The following AHRR variants were observed in gnomAD, a reference collection of about 807,000 sequenced individuals.
AHRR encodes ahR repressor.
AHRR carries 28 observed loss-of-function variants against 44.0 expected under a neutral mutation model. The observed-to-expected ratio is 0.64, with a 90% CI of 0.47 to 0.87. The LOEUF (loss-of-function observed/expected upper bound fraction) is 0.87, where lower values mean the gene tolerates loss of function less well. Ranked by LOEUF, AHRR falls within the 40% of genes least tolerant of loss-of-function variation. The pLI, the probability that AHRR is intolerant of heterozygous loss-of-function variation, is 0.00. For synonymous variants in AHRR, 434 were observed against 407.0 expected (o/e 1.07, Z -0.80); for missense variants, 990 against 953.9 (o/e 1.04, Z -0.50).
chr5:325,460 C>T (rs1023872452), intron 1 of AHRR, among the ~76,000 whole-genome samples: 8 of 152,208 alleles, frequency 5.3e-5, no homozygotes, highest in African/African-American at 1.7e-4. Flanking sequence ...GTCGAAAGGC[C>T]TTGCAGTTCT....
rs142145678 is a variant in AHRR, at chr5:431,213, G to C, written c.909-1250G>C. Among the ~76,000 whole-genome samples, 703 of 152,176 alleles carry C rather than the reference G, an allele frequency of 4.6e-3. 4 individuals carry two copies. The highest frequency in any genetic ancestry group is 0.016 in the African/African-American group (669 of 41,438). ...GCCCTGGGGTGGAGCGTAGGTGTGGGATCACAAGCTCAGGTGTGGGGCCGA... is the reference window on the plus strand; with the variant it reads ...GCCCTGGGGTGGAGCGTAGGTGTGGCATCACAAGCTCAGGTGTGGGGCCGA... On this transcript the variant is annotated intron_variant, in intron 8 of 10. Transcript: ENST00000684583.
At chr5:345,397 GGAT>G (rs1390599572) in intron 2 of AHRR, among the ~76,000 whole-genome samples, 3 of 100,444 alleles carry the variant, frequency 3.0e-5, no homozygotes, top group Non-Finnish European at 3.5e-5. Flanking sequence ...TGTGTGTGTC[GGAT>G]GATGTCCCTG....
intron 3 of AHRR, among the ~76,000 whole-genome samples, chr5:360,176 G>T (rs1263838327): frequency 6.6e-6 from 1 of 152,130 alleles, no homozygotes; most frequent in Non-Finnish European, 1.5e-5. Flanking sequence ...TTAAAAAGGA[G>T]ACCCAAAAGA....
intron 4 of AHRR, among the ~76,000 whole-genome samples, chr5:391,387 G>T (rs186990116): frequency 0.037 from 3,454 of 94,488 alleles, 24 homozygotes; most frequent in East Asian, 0.065. Context: ...CGCAGGGCGA[G>T]GAGGGCGCAG....
At chr5:416,215 T>A (rs1420785718) in intron 5 of AHRR, among the ~76,000 whole-genome samples, 2 of 152,180 alleles carry the variant, frequency 1.3e-5, no homozygotes, top group East Asian at 3.9e-4. Flanking sequence ...CCAAGGGGTG[T>A]CCAGGCCACT....
At chr5:367,965 A>G (rs1392140406) in intron 3 of AHRR, 1 of 702,350 alleles carries the variant, frequency 1.4e-6, no homozygotes, top group Non-Finnish European at 2.6e-6. Context: ...CAGGACTGAT[A>G]GCCACTGACC....
chr5:428,348 G>A (rs945504135), intron 8 of AHRR, among the ~76,000 whole-genome samples: 2 of 152,222 alleles, frequency 1.3e-5, no homozygotes, highest in Non-Finnish European at 2.9e-5. Context: ...TTGGCTGCCC[G>A]CCCTTCACAC....
chr5:324,016 T>TTTCTTTC (rs1387732689), intron 1 of AHRR, among the ~76,000 whole-genome samples: 1 of 143,506 alleles, frequency 7.0e-6, no homozygotes. Flanking sequence ...TCTTTCTTTC[T>TTTCTTTC]TTCTTTCTCT....
intron 6 of AHRR, among the ~76,000 whole-genome samples, chr5:423,631 T>C (rs1170758760): frequency 1.3e-5 from 2 of 152,232 alleles, no homozygotes; most frequent in East Asian, 1.9e-4. Flanking sequence ...TCGTCATGCA[T>C]GCACATGTAC....
Position 376,702 on chromosome 5 carries a change from A to G in AHRR, c.337A>G (p.Arg113Gly). Residue 113 changes from arginine (R) to glycine (G), a missense_variant, in exon 4 of 11, where the codon AGG becomes GGG. Transcript: ENST00000684583. ...PLAGSAVLEG[R>G]LLLESLNGFA... ...TGCAGGGTCTGCCGTGCTGGAGGGA[A>G]GGCTGCTGTTGGAGGTGAGTGCCAC... 1 of 1,608,328 alleles carries G rather than the reference A, an allele frequency of 6.2e-7. No homozygotes were observed. Among genetic ancestry groups the G allele is most frequent in the Non-Finnish European group, 8.5e-7 (1 of 1,177,828 alleles).
rs560349699 is a variant in AHRR, at chr5:391,344, C to T, written c.351+14628C>T. On this transcript the variant is annotated intron_variant, in intron 4 of 10. Coordinates refer to ENST00000684583, the MANE Select transcript of AHRR (RefSeq NM_001377236.1). ...GTGCACGGGCGCAGGGCGAGGCGGG[C>T]GCAGGGCGAGGCAGGGCCAGAGCGT... Among the ~76,000 whole-genome samples, 536 of 120,390 alleles carry T rather than the reference C, an allele frequency of 4.5e-3. 5 individuals carry two copies. The highest frequency in any genetic ancestry group is 0.016 in the African/African-American group (446 of 28,558). 79.0% of individuals were successfully genotyped at this position (120,390 alleles called of 152,430 possible).
intron 5 of AHRR, among the ~76,000 whole-genome samples, chr5:418,410 C>T (rs61630451): frequency 0.037 from 5,572 of 152,326 alleles, 171 homozygotes; most frequent in African/African-American, 0.078. Flanking sequence ...CCAAACAGGA[C>T]TTACATCTCA....
chr5:397,399 C>T (rs1734773827), intron 4 of AHRR, among the ~76,000 whole-genome samples: 1 of 134,976 alleles, frequency 7.4e-6, no homozygotes, highest in Non-Finnish European at 1.6e-5. Flanking sequence ...CCATGTTAGC[C>T]CCTGACCATC....
At chr5:400,441 G>A (rs566775738) in intron 4 of AHRR, among the ~76,000 whole-genome samples, 34 of 152,000 alleles carry the variant, frequency 2.2e-4, no homozygotes, top group Non-Finnish European at 4.4e-4. Context: ...GTTTCCTGAC[G>A]TTCAGTAACA....
At chr5:324,021 TTC>T (rs923288692) in intron 1 of AHRR, among the ~76,000 whole-genome samples, 26 of 132,424 alleles carry the variant, frequency 2.0e-4, no homozygotes, top group East Asian at 7.8e-4. Context: ...CTTTCTTTCT[TTC>T]TCTCTCTCTC....
intron 2 of AHRR, among the ~76,000 whole-genome samples, chr5:347,012 G>A (rs1255348654): frequency 6.6e-6 from 1 of 152,156 alleles, no homozygotes; most frequent in Non-Finnish European, 1.5e-5. Flanking sequence ...GCCAAAGCAC[G>A]GGCGTTTGTA....
At chr5:409,952 T>A (rs1354451363) in intron 4 of AHRR, among the ~76,000 whole-genome samples, 1 of 152,182 alleles carries the variant, frequency 6.6e-6, no homozygotes, top group Non-Finnish European at 1.5e-5. Context: ...GTGTGTGGCG[T>A]GAAATAGGAG....
At chr5:366,698 G>A (rs550769068) in intron 3 of AHRR, among the ~76,000 whole-genome samples, 4 of 152,274 alleles carry the variant, frequency 2.6e-5, no homozygotes, top group Admixed American at 2.0e-4. Context: ...GATCTTACCC[G>A]CCAATAGTGG....
rs1440171666 is a variant in AHRR, at chr5:406,943, A to G, written c.352-6401A>G. Among the ~76,000 whole-genome samples the G allele has an allele frequency of 1.3e-5, 2 of 152,242 alleles. No homozygotes were observed. Among genetic ancestry groups the G allele is most frequent in the African/African-American group, 4.8e-5 (2 of 41,458 alleles). ...TAGGGCACCAGTTATTGAAAAGCCT[A>G]TCTCTGTCCCAGTGATTTGAGGTGA... On this transcript the variant is annotated intron_variant, in intron 4 of 10. Transcript: ENST00000684583. The surrounding 1 kb of genome is among the most constrained non-coding windows in gnomAD (Gnocchi z 4.7).
Sources: gnomAD v4.1 joint callset for allele counts (sites outside exome capture counted in the v4.1 genomes callset) on GRCh38, gnomAD v4.1.1 for gene constraint, Gnocchi (gnomAD v3.1) non-coding constraint, MANE v1.5 for transcripts, NCBI Gene and HGNC (gene_info 2026-07-23, HGNC 2026-07-21) for gene names.